Variants in ADGRL3 observed in about 807,000 individuals in gnomAD.
ADGRL3 encodes the protein calcium-independent alpha-latrotoxin receptor 3.
ADGRL3 carries 62 observed loss-of-function variants against 153.5 expected under a neutral mutation model. The ratio of observed to expected loss-of-function variants is 0.40; its 90% CI spans 0.33 to 0.50. ADGRL3 has a LOEUF of 0.50. Among genes scored for constraint, ADGRL3 ranks in the 20% least tolerant of loss-of-function variants. The pLI, the probability that ADGRL3 is intolerant of heterozygous loss-of-function variation, is 0.47. For synonymous variants in ADGRL3, 710 were observed against 672.5 expected (o/e 1.06, Z -0.86); for missense variants, 1,641 against 1,859.4 (o/e 0.88, Z 2.16).
In ADGRL3 at chr4:61,201,488, A is replaced by G. The variant is rs1424871508; in HGVS notation, c.-517A>G. The G allele has an allele frequency of 6.6e-6, 1 of 152,220 alleles. No homozygotes were observed. Among genetic ancestry groups the G allele is most frequent in the East Asian group, 1.9e-4 (1 of 5,166 alleles). The allele number at this position is 152,220 out of a possible 1,614,324, so 9.4% of individuals were successfully genotyped here. Reference sequence around the variant, plus strand: ...GCGAGGAACGTAAAGGAAGGCGAACATTTGGCTCTCTTTTTCCTTCCCCTT... The same window carrying G: ...GCGAGGAACGTAAAGGAAGGCGAACGTTTGGCTCTCTTTTTCCTTCCCCTT... On this transcript the variant is annotated 5_prime_UTR_variant, in exon 1 of 27. Coordinates refer to ENST00000683033, the MANE Select transcript of ADGRL3 (RefSeq NM_001387552.1).
intron 17 of ADGRL3, among the ~76,000 whole-genome samples, chr4:61,949,884 T>A (rs1435458626): frequency 6.6e-6 from 1 of 152,220 alleles, no homozygotes; most frequent in Non-Finnish European, 1.5e-5. Flanking sequence ...TTCAACACTT[T>A]ATGCGAAAGT....
intron 11 of ADGRL3, among the ~76,000 whole-genome samples, chr4:61,900,075 A>C (rs2098655627): frequency 6.6e-6 from 1 of 152,130 alleles, no homozygotes; most frequent in Non-Finnish European, 1.5e-5. Flanking sequence ...TGACTTGAGG[A>C]TCTTGATAGT....
chr4:61,805,900 G>A (rs192251678), intron 8 of ADGRL3, among the ~76,000 whole-genome samples: 70 of 152,248 alleles, frequency 4.6e-4, no homozygotes, highest in Non-Finnish European at 7.8e-4. Flanking sequence ...TGGGTAGACA[G>A]AGAGTTAACA....
rs1265238861 is a variant in ADGRL3, at chr4:61,313,438, C to T, written c.-239-69686C>T. ...TGGCTCATCAGCAGTAAAAAATGTA[C>T]CACAGGAATGAAAAATATTAATAGA... is the stretch of plus-strand genomic sequence containing the variant. On this transcript the variant is annotated intron_variant, in intron 1 of 26. Transcript: ENST00000683033. Among the ~76,000 whole-genome samples the T allele has an allele frequency of 2.0e-5, 3 of 151,982 alleles. No homozygotes were observed. In the East Asian group the frequency reaches 5.8e-4, roughly 29 times the overall value.
chr4:61,553,579 TATTG>T (rs1202454318), intron 4 of ADGRL3, among the ~76,000 whole-genome samples: 2 of 152,230 alleles, frequency 1.3e-5, no homozygotes, highest in Non-Finnish European at 2.9e-5. Context: ...CACATGCACT[TATTG>T]ATTATTGTCT....
At chr4:61,806,053 T>G (rs148475044) in intron 8 of ADGRL3, among the ~76,000 whole-genome samples, 3 of 152,232 alleles carry the variant, frequency 2.0e-5, no homozygotes, top group African/African-American at 7.2e-5. Flanking sequence ...TACTTTCTTT[T>G]ATGTCATTGA....
At chr4:62,064,209 G>C (rs1741732378) in intron 25 of ADGRL3, among the ~76,000 whole-genome samples, 1 of 152,016 alleles carries the variant, frequency 6.6e-6, no homozygotes, top group Non-Finnish European at 1.5e-5. Flanking sequence ...TTGCCAGTAA[G>C]AGCTGCCTCA....
rs2097387303 is a variant in ADGRL3, at chr4:61,794,768, CA to C, written c.1400-19040del. On this transcript the variant is annotated intron_variant, in intron 8 of 26. Transcript: ENST00000683033. ...AGCAGTGTTGTAAGAGTCACTACCT[CA>C]TATGTAAGTTTTAAGCCTAAATGAG... Among the ~76,000 whole-genome samples the C allele has an allele frequency of 2.0e-5, 3 of 152,304 alleles. No individual in the cohort carries two copies. In the South Asian group the frequency reaches 6.2e-4, roughly 32 times the overall value.
chr4:61,881,748 T>C (rs2098510113), intron 9 of ADGRL3, among the ~76,000 whole-genome samples: 1 of 152,232 alleles, frequency 6.6e-6, no homozygotes, highest in Non-Finnish European at 1.5e-5. Flanking sequence ...ACATTTATAT[T>C]CTGGTATCCC....
intron 9 of ADGRL3, among the ~76,000 whole-genome samples, chr4:61,845,231 A>G (rs1050274794): frequency 1.3e-5 from 2 of 152,058 alleles, no homozygotes; most frequent in Non-Finnish European, 2.9e-5. Context: ...ACAATCTCTT[A>G]TATTGTCCAA....
chr4:61,410,413 A>G (rs927260245), intron 2 of ADGRL3, among the ~76,000 whole-genome samples: 2 of 151,898 alleles, frequency 1.3e-5, no homozygotes, highest in African/African-American at 4.8e-5. Flanking sequence ...CTCTCTTTAA[A>G]TACTTTAGTG....
At chr4:62,007,383 T>TATATATATATATATATATATACAC (rs71213024) in intron 21 of ADGRL3, among the ~76,000 whole-genome samples, 2 of 30,756 alleles carry the variant, frequency 6.5e-5, no homozygotes, top group Admixed American at 4.2e-4. Flanking sequence ...TATATATATA[T>TATATATATATATATATATATACAC]ACACACACAC....
intron 6 of ADGRL3, among the ~76,000 whole-genome samples, chr4:61,718,817 A>C (rs1166901500): frequency 6.6e-6 from 1 of 152,170 alleles, no homozygotes. Context: ...TAGTTAGTTT[A>C]AATAGATTAT....
At chr4:61,984,244 T>C (rs553490029) in intron 19 of ADGRL3, among the ~76,000 whole-genome samples, 1 of 152,142 alleles carries the variant, frequency 6.6e-6, no homozygotes, top group Admixed American at 6.5e-5. Context: ...TGAGAAGAGA[T>C]TAGAAAGTAA....
chr4:61,644,578 C>T (rs192836112), intron 5 of ADGRL3, among the ~76,000 whole-genome samples: 4,164 of 152,206 alleles, frequency 0.027, 146 homozygotes, highest in East Asian at 0.14. Context: ...TGTTCAGTTT[C>T]CATGTAGTTG....
chr4:61,827,697 C>A (rs1487999222), intron 9 of ADGRL3, among the ~76,000 whole-genome samples: 2 of 152,150 alleles, frequency 1.3e-5, no homozygotes, highest in Non-Finnish European at 2.9e-5. Flanking sequence ...CATAAATAGA[C>A]CTCCTTGATT....
intron 6 of ADGRL3, among the ~76,000 whole-genome samples, chr4:61,721,990 T>C (rs1010987551): frequency 6.6e-6 from 1 of 152,150 alleles, no homozygotes; most frequent in African/African-American, 2.4e-5. Context: ...GAAACACATA[T>C]TGGAAGATTA....
chr4:61,499,987 G>GACACAC (rs34740052), intron 3 of ADGRL3, among the ~76,000 whole-genome samples: 12 of 138,958 alleles, frequency 8.6e-5, no homozygotes, highest in African/African-American at 3.2e-4. Context: ...CACACACACA[G>GACACAC]ACACACACAC....
chr4:61,768,750 G>A (rs1290981996), intron 8 of ADGRL3, among the ~76,000 whole-genome samples: 3 of 151,956 alleles, frequency 2.0e-5, no homozygotes, highest in East Asian at 3.9e-4. Flanking sequence ...GTGGAAGCTT[G>A]CCCATAGTGA....
Sources: gnomAD v4.1 joint callset for allele counts (sites outside exome capture counted in the v4.1 genomes callset) on GRCh38, gnomAD v4.1.1 for gene constraint, MANE v1.5 for transcripts, NCBI Gene and HGNC (gene_info 2026-07-23, HGNC 2026-07-21) for gene names.